The following MTIF3 variants were observed in gnomAD, a reference collection of about 807,000 sequenced individuals.
MTIF3 encodes the protein mitochondrial translational initiation factor 3, also known as translation initiation factor IF-3, mitochondrial.
In MTIF3, 13 loss-of-function variants were observed where a neutral mutation model predicts 20.7. That is an observed-to-expected ratio of 0.63 (90% CI 0.41 to 1.00). The LOEUF is 1.00. Ranked by LOEUF, MTIF3 falls within the 50% of genes least tolerant of loss-of-function variation. MTIF3 has a pLI of 0.00. For synonymous variants in MTIF3, 114 were observed against 112.5 expected (o/e 1.01, Z -0.08); for missense variants, 295 against 324.5 (o/e 0.91, Z 0.70).
intron 1 of MTIF3, chr13:27,450,260 G>T (rs546382424): frequency 6.6e-6 from 1 of 152,414 alleles, no homozygotes; most frequent in South Asian, 2.1e-4. Flanking sequence ...AAGCTCAGTG[G>T]GGCTGGCGGC....
In MTIF3 at chr13:27,440,106, G is replaced by A. The variant is rs767779130; in HGVS notation, c.343C>T (p.Arg115Ter). Residue 115 changes from arginine to a stop codon, truncating the protein, a stop_gained, in exon 3 of 5, where the codon CGA becomes TGA. Coordinates refer to ENST00000381120, the MANE Select transcript of MTIF3 (RefSeq NM_152912.5). LOFTEE classifies it high-confidence loss of function. Reference sequence around the variant, plus strand: ...GTGCTGGTGTTCCTTTGAACCAGTCGCAGGTCTCGCTCATCCATAAGTCTA... The same window carrying A: ...GTGCTGGTGTTCCTTTGAACCAGTCACAGGTCTCGCTCATCCATAAGTCTA... The part of the protein sequence containing the change: ...VIRLMDERDL[R>*]LVQRNTSTEP... 1.2e-5 allele frequency: 19 copies of A among 1,614,068 alleles called. No homozygotes were observed. The highest frequency in any genetic ancestry group is 3.3e-5 in the Admixed American group (2 of 60,010).
At chr13:27,445,482 A>G (rs1285732702) in intron 1 of MTIF3, among the ~76,000 whole-genome samples, 1 of 152,166 alleles carries the variant, frequency 6.6e-6, no homozygotes, top group African/African-American at 2.4e-5. Flanking sequence ...TTTCAAAAAA[A>G]AAAAAAGAAA....
At chr13:27,442,629 A>C (rs1375974483) in intron 2 of MTIF3, among the ~76,000 whole-genome samples, 1 of 152,170 alleles carries the variant, frequency 6.6e-6, no homozygotes, top group African/African-American at 2.4e-5. Context: ...CCTTGTGAAC[A>C]GTGAACACAC....
chr13:27,447,198 C>A (rs867720085), intron 1 of MTIF3, among the ~76,000 whole-genome samples: 550 of 84,052 alleles, frequency 6.5e-3, no homozygotes, highest in Non-Finnish European at 7.2e-3. Context: ...TGGGTTAGGC[C>A]AAAAAAAAAA....
intron 2 of MTIF3, among the ~76,000 whole-genome samples, chr13:27,444,197 T>C (rs1954096898): frequency 6.6e-6 from 1 of 152,030 alleles, no homozygotes; most frequent in East Asian, 1.9e-4. Context: ...TCCCGGCTAC[T>C]CGGGAGGCTG....
At chr13:27,440,483 C>T in intron 2 of MTIF3, 34 bp from the exon 3 acceptor site, 1 of 1,496,108 alleles carries the variant, frequency 6.7e-7, no homozygotes, top group Non-Finnish European at 9.0e-7. Flanking sequence ...CATTAAAATT[C>T]AATCACTTAT....
rs894857544 is a variant in MTIF3 at position 27,450,561 on chromosome 13, C to G, written c.-123G>C. 7.2e-6 allele frequency: 1 copy of G among 139,480 alleles called. No individual in the cohort carries two copies. The highest frequency in any genetic ancestry group is 3.4e-5 in the African/African-American group (1 of 29,368). 8.6% of individuals were successfully genotyped at this position (139,480 alleles called of 1,614,324 possible). A position where few individuals can be genotyped will look rare whatever the true frequency, so the allele number is the denominator to read the frequency against. On this transcript the variant is annotated 5_prime_UTR_variant, in exon 1 of 5. Coordinates refer to ENST00000381120, the MANE Select transcript of MTIF3 (RefSeq NM_152912.5). ...TGTAGCGGACGCAAGTACAGCGGAT[C>G]TGCGGCGAGTCCCCTTCGCTCTCCG... is the stretch of plus-strand genomic sequence containing the variant.
chr13:27,438,017 G>C (rs958899093), intron 3 of MTIF3, among the ~76,000 whole-genome samples: 3 of 151,996 alleles, frequency 2.0e-5, no homozygotes, highest in African/African-American at 7.3e-5. Flanking sequence ...AACCATCTAC[G>C]TAGAAAAATA....
intron 1 of MTIF3, 120 bp from the exon 2 acceptor site, chr13:27,445,276 T>C (rs1479537365): frequency 6.6e-6 from 1 of 152,120 alleles, no homozygotes; most frequent in Non-Finnish European, 1.5e-5. Context: ...GGCCAGGAGT[T>C]TGAGACCAGC....
chr13:27,437,972 T>C (rs1278259605), intron 3 of MTIF3, among the ~76,000 whole-genome samples: 1 of 152,060 alleles, frequency 6.6e-6, no homozygotes, highest in Non-Finnish European at 1.5e-5. Context: ...GTTTTTTCCA[T>C]CATACACAAC....
intron 4 of MTIF3, 147 bp downstream of exon 4, chr13:27,436,969 T>C: frequency 1.4e-6 from 1 of 690,132 alleles, no homozygotes; most frequent in Admixed American, 3.0e-5. Context: ...GCCAGGTTGG[T>C]CTCAATCTCC....
Position 27,435,909 on chromosome 13 carries a change from A to G in MTIF3, c.619-16T>C, listed in dbSNP as rs761423029. The G allele has an allele frequency of 1.9e-6, 3 of 1,587,740 alleles. No individual in the cohort carries two copies. Among genetic ancestry groups the G allele is most frequent in the Non-Finnish European group, 2.6e-6 (3 of 1,158,968 alleles). Reference sequence around the variant, plus strand: ...ATATCTCCTCCTAAAAAAGGGAAACAGCCAAAGATTAATTTAAAATCAGAG... The same window carrying G: ...ATATCTCCTCCTAAAAAAGGGAAACGGCCAAAGATTAATTTAAAATCAGAG... On this transcript the variant is annotated splice_polypyrimidine_tract_variant and intron_variant, in intron 4 of 4. Coordinates refer to ENST00000381120, the MANE Select transcript of MTIF3 (RefSeq NM_152912.5).
chr13:27,441,906 T>C (rs1419846750), intron 2 of MTIF3, among the ~76,000 whole-genome samples: 1 of 152,202 alleles, frequency 6.6e-6, no homozygotes, highest in Non-Finnish European at 1.5e-5. Context: ...ATCTCTCACC[T>C]GTCATGTTCA....
intron 4 of MTIF3, among the ~76,000 whole-genome samples, chr13:27,436,371 A>T (rs1217000775): frequency 1.3e-5 from 2 of 152,134 alleles, no homozygotes; most frequent in African/African-American, 4.8e-5. Flanking sequence ...CTGGATTACT[A>T]AGGATACCCT....
chr13:27,440,425 C>G lies in MTIF3; in HGVS notation c.24G>C (p.Arg8Ser). Residue 8 changes from arginine (R) to serine (S), a missense_variant, in exon 3 of 5, where the codon AGG (arginine) becomes AGC (serine). By Grantham distance (110) the Arg-to-Ser change is moderately radical (BLOSUM62 -1). Coordinates refer to ENST00000381120, the MANE Select transcript of MTIF3 (RefSeq NM_152912.5). The stretch of plus-strand genomic sequence containing the variant: ...CAGACTTTACAGTTTGTAGTGTTAA[C>G]CTCTTTAGAAAAAGAGCAGCCATCC... MAALFLK[R>S]LTLQTVKSEN... 1 of 1,607,350 alleles carries G rather than the reference C, an allele frequency of 6.2e-7. No homozygotes were observed. The highest frequency in any genetic ancestry group is 1.1e-5 in the South Asian group (1 of 90,388).
intron 3 of MTIF3, among the ~76,000 whole-genome samples, chr13:27,438,403 T>C (rs145644047): frequency 2.7e-5 from 4 of 147,154 alleles, no homozygotes; most frequent in Admixed American, 6.8e-5. Flanking sequence ...GGTGGGAGGA[T>C]TGCTGGATCC....
chr13:27,440,261 T>C lies in MTIF3; in HGVS notation c.188A>G (p.Asn63Ser). ...KAFSTAEDTQNEGKKTKKNKT... is the reference protein window; with the variant it reads ...KAFSTAEDTQSEGKKTKKNKT... ...ATTCTTTTTTGTCTTTTTTCCTTCATTCTGGGTGTCTTCAGCGGTACTAAA... is the reference window on the plus strand; with the variant it reads ...ATTCTTTTTTGTCTTTTTTCCTTCACTCTGGGTGTCTTCAGCGGTACTAAA... The change falls in exon 3 of 5, where the codon AAT becomes AGT. Residue 63 changes from asparagine (N) to serine (S), a missense_variant. By Grantham distance (46) the Asn-to-Ser change is conservative. Transcript: ENST00000381120. The C allele has an allele frequency of 6.2e-7, 1 of 1,614,238 alleles. No individual in the cohort carries two copies. Among genetic ancestry groups the C allele is most frequent in the Non-Finnish European group, 8.5e-7 (1 of 1,180,042 alleles).
intron 3 of MTIF3, among the ~76,000 whole-genome samples, chr13:27,438,482 TG>T (rs1448840950): frequency 0.041 from 2,772 of 68,420 alleles, 80 homozygotes; most frequent in East Asian, 0.12. Flanking sequence ...AGAGCAAGAC[TG>T]TTTTTTTTTT....
rs909365165 is a variant in MTIF3 at position 27,450,520 on chromosome 13, C to G, written c.-82G>C. On this transcript the variant is annotated 5_prime_UTR_variant, in exon 1 of 5. Coordinates refer to ENST00000381120, the MANE Select transcript of MTIF3 (RefSeq NM_152912.5). ...ATATTTAGCATTACCTGTGCTGGGG[C>G]AAGCGATTGACATACTGTAGCGGAC... The G allele has an allele frequency of 6.6e-6, 1 of 152,342 alleles. No homozygotes were observed. Among genetic ancestry groups the G allele is most frequent in the African/African-American group, 2.4e-5 (1 of 41,476 alleles). The allele number at this position is 152,342 out of a possible 1,614,324, so 9.4% of individuals were successfully genotyped here. A position where few individuals can be genotyped will look rare whatever the true frequency, so the allele number is the denominator to read the frequency against.
Sources: gnomAD v4.1 joint callset for allele counts (sites outside exome capture counted in the v4.1 genomes callset) on GRCh38, gnomAD v4.1.1 for gene constraint, MANE v1.5 for transcripts, NCBI Gene and HGNC (gene_info 2026-07-23, HGNC 2026-07-21) for gene names.